Variants in EXOC6B observed in about 807,000 individuals in gnomAD.
The protein encoded by EXOC6B is exocyst complex component 6B, also known as SEC15 homolog B.
In EXOC6B, 54 loss-of-function variants were observed where a neutral mutation model predicts 113.5. The observed-to-expected ratio is 0.48, with a 90% CI of 0.38 to 0.60. The LOEUF is 0.60. Ranked by LOEUF, EXOC6B falls within the 20% of genes least tolerant of loss-of-function variation. EXOC6B has a pLI of 0.00. For synonymous variants in EXOC6B, 357 were observed against 339.0 expected, an observed-to-expected ratio of 1.05 and a Z score of -0.58; for missense variants, 797 against 977.5, an observed-to-expected ratio of 0.82 and a Z score of 2.46.
intron 20 of EXOC6B, among the ~76,000 whole-genome samples, chr2:72,310,728 G>A (rs1427537589): frequency 6.6e-6 from 1 of 151,848 alleles, no homozygotes; most frequent in Non-Finnish European, 1.5e-5. Context: ...TCATATTTAA[G>A]TATGATGCTT....
intron 1 of EXOC6B, among the ~76,000 whole-genome samples, chr2:72,818,619 C>A (rs1686411594): frequency 6.6e-6 from 1 of 152,130 alleles, no homozygotes; most frequent in Admixed American, 6.6e-5. Context: ...ATCTAAGTGA[C>A]CACATGTCAC....
chr2:72,524,664 C>T (rs1231255812), intron 8 of EXOC6B, among the ~76,000 whole-genome samples: 1 of 151,868 alleles, frequency 6.6e-6, no homozygotes, highest in Non-Finnish European at 1.5e-5. Context: ...GGATGGATAC[C>T]CCATTCTTCA....
intron 20 of EXOC6B, among the ~76,000 whole-genome samples, chr2:72,199,103 C>T (rs965479777): frequency 1.3e-5 from 2 of 152,120 alleles, no homozygotes; most frequent in South Asian, 2.1e-4. Flanking sequence ...GAATATCAGA[C>T]GAAAGAACAG....
At position 72,251,102 on chromosome 2, in the gene EXOC6B, A is replaced by G. The variant is rs545668390; in HGVS notation, c.2197-66915T>C. Among the ~76,000 whole-genome samples, 166 of 152,112 alleles carry G rather than the reference A, an allele frequency of 1.1e-3. 1 individual carries two copies. The highest frequency in any genetic ancestry group is 6.8e-3 in the Middle Eastern group (2 of 294). ...CTTGGCCTTTACTTGCTTACTTTGT[A>G]TTTAATATTGGCAATGTCTCCATAG... On this transcript the variant is annotated intron_variant, in intron 20 of 21. Coordinates refer to ENST00000272427, the MANE Select transcript of EXOC6B (RefSeq NM_015189.3).
intron 20 of EXOC6B, among the ~76,000 whole-genome samples, chr2:72,329,890 G>T (rs1688333964): frequency 6.6e-6 from 1 of 151,996 alleles, no homozygotes; most frequent in Non-Finnish European, 1.5e-5. Flanking sequence ...CAGGTTAAGT[G>T]TCTGCAATGG....
chr2:72,763,973 G>A (rs1336567019), intron 1 of EXOC6B, among the ~76,000 whole-genome samples: 3 of 151,942 alleles, frequency 2.0e-5, no homozygotes, highest in African/African-American at 7.3e-5. Flanking sequence ...CAGGTACTCG[G>A]GAGGCTGTGG....
intron 6 of EXOC6B, among the ~76,000 whole-genome samples, chr2:72,686,011 A>G (rs1178173093): frequency 2.0e-5 from 3 of 152,206 alleles, no homozygotes; most frequent in African/African-American, 4.8e-5. Context: ...AGCTCTTACA[A>G]TACATCAACC....
At chr2:72,794,434 C>T (rs1040359879) in intron 1 of EXOC6B, among the ~76,000 whole-genome samples, 1 of 151,948 alleles carries the variant, frequency 6.6e-6, no homozygotes, top group Non-Finnish European at 1.5e-5. Flanking sequence ...GAATATTACC[C>T]AGATATCTTG....
chr2:72,515,469 G>T, intron 8 of EXOC6B: 2 of 1,063,174 alleles, frequency 1.9e-6, no homozygotes, highest in Non-Finnish European at 2.3e-6. Context: ...GTAAGAAAAT[G>T]CTCCTTAAAA....
At chr2:72,232,461 G>A (rs1013164353) in intron 20 of EXOC6B, among the ~76,000 whole-genome samples, 1 of 152,018 alleles carries the variant, frequency 6.6e-6, no homozygotes, top group Admixed American at 6.6e-5. Context: ...TTCTTCTTCT[G>A]GGAATTGATC....
At chr2:72,803,202 G>C (rs1685390802) in intron 1 of EXOC6B, among the ~76,000 whole-genome samples, 1 of 150,028 alleles carries the variant, frequency 6.7e-6, no homozygotes, top group Non-Finnish European at 1.5e-5. Flanking sequence ...GATGCAAAAA[G>C]AACAAATAAA....
intron 21 of EXOC6B, among the ~76,000 whole-genome samples, chr2:72,182,410 C>T (rs1678147734): frequency 6.6e-6 from 1 of 152,076 alleles, no homozygotes; most frequent in Admixed American, 6.5e-5. Flanking sequence ...CATTTAAGCA[C>T]CACCTCAAAG....
chr2:72,491,134 T>C (rs1360239465), intron 16 of EXOC6B, among the ~76,000 whole-genome samples: 3 of 152,184 alleles, frequency 2.0e-5, no homozygotes, highest in East Asian at 1.9e-4. Context: ...ATTTTTCAGA[T>C]ACATAAAGGC....
intron 6 of EXOC6B, among the ~76,000 whole-genome samples, chr2:72,666,650 C>T (rs1368916559): frequency 2.0e-5 from 3 of 152,034 alleles, no homozygotes; most frequent in Non-Finnish European, 4.4e-5. Context: ...CCAAAAGGCT[C>T]CTGGAAGTGA....
At chr2:72,558,135 T>C (rs144852745) in intron 8 of EXOC6B, among the ~76,000 whole-genome samples, 113 of 152,228 alleles carry the variant, frequency 7.4e-4, no homozygotes, top group African/African-American at 2.6e-3. Flanking sequence ...AGTATGGACA[T>C]TTAAACCTGT....
At chr2:72,400,551 G>A (rs1337305507) in intron 18 of EXOC6B, among the ~76,000 whole-genome samples, 1 of 150,254 alleles carries the variant, frequency 6.7e-6, no homozygotes, top group Non-Finnish European at 1.5e-5. Flanking sequence ...TCTGACAAAG[G>A]ACAAATATCC....
chr2:72,255,832 G>T (rs1264869195), intron 20 of EXOC6B, among the ~76,000 whole-genome samples: 1 of 152,224 alleles, frequency 6.6e-6, no homozygotes, highest in Admixed American at 6.5e-5. Flanking sequence ...TTCTGGGGAT[G>T]TGGGGAAAGG....
At chr2:72,658,900 A>C (rs1573572071) in intron 6 of EXOC6B, among the ~76,000 whole-genome samples, 1 of 152,200 alleles carries the variant, frequency 6.6e-6, no homozygotes, top group Admixed American at 6.5e-5. Flanking sequence ...AATTATACAA[A>C]CCATGATGTC....
chr2:72,312,853 T>G (rs1687286370), intron 20 of EXOC6B, among the ~76,000 whole-genome samples: 1 of 151,020 alleles, frequency 6.6e-6, no homozygotes, highest in African/African-American at 2.4e-5. Context: ...CTAACCTAAT[T>G]TTTTCATTTT....
Sources: allele counts gnomAD v4.1 joint callset (sites outside exome capture counted in the v4.1 genomes callset), GRCh38; gene constraint gnomAD v4.1.1; transcripts MANE v1.5; gene names NCBI Gene and HGNC (gene_info 2026-07-23, HGNC 2026-07-21).